SCFD1: variants seen among roughly 807,000 people sequenced by gnomAD.
The protein encoded by SCFD1 is sec1 family domain containing 1, also known as sec1 family domain-containing protein 1.
A neutral mutation model predicts 103.2 loss-of-function variants in SCFD1; 37 were observed. The observed-to-expected ratio is 0.36, with a 90% CI of 0.28 to 0.47. The LOEUF is 0.47. Ranked by LOEUF, SCFD1 falls within the 20% of genes least tolerant of loss-of-function variation. The probability of loss-of-function intolerance (pLI) is 1.00; values close to 1 mark genes in which losing one functional copy is unlikely to be tolerated. For synonymous variants in SCFD1, 264 were observed against 245.0 expected, an observed-to-expected ratio of 1.08 and a Z score of -0.73; for missense variants, 639 against 761.2, an observed-to-expected ratio of 0.84 and a Z score of 1.89.
At chr14:30,624,941 G>T (rs1883230075) in intron 1 of SCFD1, among the ~76,000 whole-genome samples, 1 of 151,860 alleles carries the variant, frequency 6.6e-6, no homozygotes, top group Non-Finnish European at 1.5e-5. Context: ...ACTTCCTTTA[G>T]GTCTTTACTC....
chr14:30,674,985 T>A lies in SCFD1; in HGVS notation c.1162T>A (p.Ser388Thr), dbSNP rs201007467. The A allele has an allele frequency of 1.9e-6, 3 of 1,568,588 alleles. No individual in the cohort carries two copies. The highest frequency in any genetic ancestry group is 2.6e-6 in the Non-Finnish European group (3 of 1,157,286). ...TATTTAATTTTTTGATACTTGCAGT[T>A]CTTTGCCAGAACTCCTTGAGAAAAA... ...NTAKLTSAVSSLPELLEKKRL... is the reference protein window; with the variant it reads ...NTAKLTSAVSTLPELLEKKRL... The change falls in exon 14 of 25, where the codon TCT becomes ACT. Residue 388 changes from serine (S) to threonine (T), a missense_variant and splice_region_variant. Transcript: ENST00000458591.
At chr14:30,708,097 A>G in intron 19 of SCFD1, 32 bp downstream of exon 19, 1 of 1,392,916 alleles carries the variant, frequency 7.2e-7, no homozygotes, top group Non-Finnish European at 1.0e-6. Flanking sequence ...CATACTGGTA[A>G]CTTTTAAACA....
chr14:30,733,010 C>CTTTT (rs544945622), intron 23 of SCFD1, among the ~76,000 whole-genome samples: 31 of 141,836 alleles, frequency 2.2e-4, no homozygotes, highest in African/African-American at 5.2e-4. Context: ...ATTTTTTTTT[C>CTTTT]TTTTTTTTTT....
rs948776185 is a variant in SCFD1, at chr14:30,670,344, A to C, written c.944A>C (p.Lys315Thr). The change falls in exon 11 of 25, where the codon AAG (lysine) becomes ACG (threonine). Residue 315 changes from lysine to threonine, a missense_variant. Lys to Thr is a moderately conservative substitution (Grantham distance 78). Coordinates refer to ENST00000458591, the MANE Select transcript of SCFD1 (RefSeq NM_016106.4). ...GCTAGACCAAAGAGAAAAAACAAGAAGTCTTATGATTTAACTCCGGTTGAT... is the reference window on the plus strand; with the variant it reads ...GCTAGACCAAAGAGAAAAAACAAGACGTCTTATGATTTAACTCCGGTTGAT... ...AGARPKRKNK[K>T]SYDLTPVDKF... is the part of the protein sequence containing the mutation. 1 of 1,593,838 alleles carries C rather than the reference A, an allele frequency of 6.3e-7. No individual in the cohort carries two copies. Among genetic ancestry groups the C allele is most frequent in the African/African-American group, 1.4e-5 (1 of 73,650 alleles).
At chr14:30,727,012 G>A (rs901649185) in intron 23 of SCFD1, among the ~76,000 whole-genome samples, 10 of 152,116 alleles carry the variant, frequency 6.6e-5, no homozygotes, top group South Asian at 2.1e-4. Context: ...GATGGCGGGC[G>A]AGGGAAGACA....
At chr14:30,631,410 A>T (rs945146862) in intron 3 of SCFD1, among the ~76,000 whole-genome samples, 1 of 152,172 alleles carries the variant, frequency 6.6e-6, no homozygotes, top group African/African-American at 2.4e-5. Flanking sequence ...TATCTCACGT[A>T]ATTTATTGAC....
rs780577178 is a variant in SCFD1 at position 30,684,803 on chromosome 14, CTTTTTTT to C, written c.1242+9751_1242+9757del. On this transcript the variant is annotated intron_variant, in intron 14 of 24. Transcript: ENST00000458591. ...ACAATGCTGTATGTTGCAATTGTTT[CTTTTTTT>C]TTTTTTTTTTTTATTATACTCTAAG... Among the ~76,000 whole-genome samples, 2 of 54,884 alleles carry C rather than the reference CTTTTTTT, an allele frequency of 3.6e-5. 1 individual carries two copies. Among genetic ancestry groups the C allele is most frequent in the African/African-American group, 1.9e-4 (2 of 10,680 alleles). 36.0% of individuals were successfully genotyped at this position (54,884 alleles called of 152,430 possible). A position where few individuals can be genotyped will look rare whatever the true frequency, so the allele number is the denominator to read the frequency against.
At chr14:30,702,884 G>A (rs1891173937) in intron 17 of SCFD1, among the ~76,000 whole-genome samples, 1 of 152,062 alleles carries the variant, frequency 6.6e-6, no homozygotes, top group Non-Finnish European at 1.5e-5. Flanking sequence ...AGTAATTGGA[G>A]CTAAGACTTT....
chr14:30,725,876 G>C (rs747679782), intron 23 of SCFD1, among the ~76,000 whole-genome samples: 2 of 152,262 alleles, frequency 1.3e-5, no homozygotes, highest in Admixed American at 6.5e-5. Context: ...GATGCAAACC[G>C]TCTCTATAAA....
At chr14:30,722,436 A>T in intron 22 of SCFD1, 58 bp from the exon 23 acceptor site, 1 of 1,266,642 alleles carries the variant, frequency 7.9e-7, no homozygotes, top group Non-Finnish European at 1.1e-6. Context: ...CCTTAATTTT[A>T]GAAGAGGTTT....
At position 30,690,805 on chromosome 14, in the gene SCFD1, C is replaced by G. The variant is rs1461174504; in HGVS notation, c.1243-3968C>G. ...TCACGCTGGGAGCTGTAGACCGGAG[C>G]TGTTCCTATTCGGCCATCTTGGCTC... On this transcript the variant is annotated intron_variant, in intron 14 of 24. Coordinates refer to ENST00000458591, the MANE Select transcript of SCFD1 (RefSeq NM_016106.4). Among the ~76,000 whole-genome samples, 6 of 152,306 alleles carry G rather than the reference C, an allele frequency of 3.9e-5. No homozygotes were observed. In the South Asian group the frequency reaches 1.0e-3, roughly 26 times the overall value.
chr14:30,644,584 A>G (rs1845289381), intron 7 of SCFD1, among the ~76,000 whole-genome samples: 1 of 152,082 alleles, frequency 6.6e-6, no homozygotes, highest in African/African-American at 2.4e-5. Context: ...TTTGATTTGC[A>G]TTTCTCTAAT....
At chr14:30,665,455 C>A (rs1236421251) in intron 10 of SCFD1, among the ~76,000 whole-genome samples, 1 of 152,100 alleles carries the variant, frequency 6.6e-6, no homozygotes, top group East Asian at 1.9e-4. Context: ...ATTGTAAAGA[C>A]CATAGATGCT....
At chr14:30,651,740 T>C (rs552661468) in intron 9 of SCFD1, among the ~76,000 whole-genome samples, 3 of 152,196 alleles carry the variant, frequency 2.0e-5, no homozygotes, top group Admixed American at 1.3e-4. Context: ...TCTCAACTTG[T>C]TGGATCTATT....
chr14:30,643,236 TTAG>T, intron 6 of SCFD1, 77 bp from the exon 7 acceptor site: 1 of 918,332 alleles, frequency 1.1e-6, no homozygotes, highest in Non-Finnish European at 1.8e-6. Context: ...AATTAAGAAT[TTAG>T]TAATAATTTT....
chr14:30,633,106 G>A (rs911950771), intron 3 of SCFD1, among the ~76,000 whole-genome samples: 1 of 152,170 alleles, frequency 6.6e-6, no homozygotes, highest in Admixed American at 6.5e-5. Context: ...GGTGGTTGTA[G>A]CCCATTAGAC....
intron 5 of SCFD1, among the ~76,000 whole-genome samples, chr14:30,639,160 C>T (rs1385786075): frequency 5.3e-5 from 8 of 152,046 alleles, no homozygotes; most frequent in Non-Finnish European, 4.4e-5. Context: ...CTCCTGGGCT[C>T]GTACCACCCC....
At chr14:30,650,707 G>T (rs1886322105) in intron 9 of SCFD1, 57 bp downstream of exon 9, 1 of 1,073,868 alleles carries the variant, frequency 9.3e-7, no homozygotes, top group South Asian at 1.4e-5. Flanking sequence ...GAGTTTTTTT[G>T]TTACTTTTCT....
chr14:30,641,816 T>C (rs1261921869), intron 6 of SCFD1, among the ~76,000 whole-genome samples: 1 of 152,214 alleles, frequency 6.6e-6, no homozygotes, highest in South Asian at 2.1e-4. Flanking sequence ...TTTCCTCTTA[T>C]AGTAACCACA....
Sources: gnomAD v4.1 joint callset for allele counts (sites outside exome capture counted in the v4.1 genomes callset) on GRCh38, gnomAD v4.1.1 for gene constraint, MANE v1.5 for transcripts, NCBI Gene and HGNC (gene_info 2026-07-23, HGNC 2026-07-21) for gene names.